Variants in NUP188 observed in about 807,000 individuals in gnomAD.
NUP188 encodes nucleoporin NUP188.
Under a neutral mutation model 223.0 loss-of-function variants are expected in NUP188, and 97 were observed. The ratio of observed to expected loss-of-function variants is 0.43; its 90% confidence interval spans 0.37 to 0.51. NUP188 has a LOEUF of 0.51. Ranked by LOEUF, NUP188 falls within the 20% of genes least tolerant of loss-of-function variation. NUP188 has a pLI of 0.00. For missense variants in NUP188, 1,947 were observed against 2,175.6 expected, an observed-to-expected ratio of 0.89 and a Z score of 2.09; for synonymous variants, 869 against 828.0, an observed-to-expected ratio of 1.05 and a Z score of -0.85.
chr9:128,989,793 C>T (rs1388158443), intron 24 of NUP188, among the ~76,000 whole-genome samples: 1 of 152,134 alleles, frequency 6.6e-6, no homozygotes, highest in Non-Finnish European at 1.5e-5. Flanking sequence ...GATCGTGCCA[C>T]TGCACTTCAG....
chr9:128,966,171 G>A (rs1467002803), intron 8 of NUP188, among the ~76,000 whole-genome samples: 3 of 131,314 alleles, frequency 2.3e-5, no homozygotes, highest in Non-Finnish European at 3.3e-5. Flanking sequence ...GTGTGTGTGC[G>A]TGTGCCCAGC....
intron 15 of NUP188, among the ~76,000 whole-genome samples, chr9:128,982,139 C>T (rs1842263279): frequency 6.6e-6 from 1 of 151,238 alleles, no homozygotes; most frequent in African/African-American, 2.4e-5. Context: ...GTTGAAAAAG[C>T]TTTAGGAATG....
intron 8 of NUP188, 95 bp from the exon 9 acceptor site, chr9:128,968,411 G>A (rs1842061031): frequency 5.5e-6 from 5 of 902,732 alleles, no homozygotes; most frequent in Non-Finnish European, 8.6e-6. Context: ...TATCCTGGGT[G>A]ACAGATTGAG....
In NUP188 at chr9:128,953,834, TC is replaced by T. The variant is rs1841829465; in HGVS notation, c.161+989del. Among the ~76,000 whole-genome samples, 10 of 152,004 alleles carry T rather than the reference TC, an allele frequency of 6.6e-5. No individual in the cohort carries two copies. The South Asian group carries it at 2.1e-3, about 32-fold the overall frequency. ...CTGGTGGTCTCATTCCAGTGTCTGT[TC>T]TTTTTTTTTTTTTGAGATGGGGTTT... On this transcript the variant is annotated intron_variant, in intron 3 of 43. Transcript: ENST00000372577.
intron 2 of NUP188, among the ~76,000 whole-genome samples, chr9:128,951,338 T>A (rs1042720355): frequency 6.9e-6 from 1 of 145,632 alleles, no homozygotes; most frequent in Non-Finnish European, 1.5e-5. Context: ...TCAGGCTTGG[T>A]GGCATATGCT....
intron 43 of NUP188, 58 bp from the exon 44 acceptor site, chr9:129,006,444 A>G (rs1322806676): frequency 1.2e-6 from 2 of 1,612,496 alleles, no homozygotes; most frequent in African/African-American, 1.3e-5. Context: ...GCAACCCCCA[A>G]GGGTCAGAAC....
intron 34 of NUP188, among the ~76,000 whole-genome samples, chr9:129,001,030 C>T (rs1370430823): frequency 6.6e-6 from 1 of 151,948 alleles, no homozygotes; most frequent in Admixed American, 6.6e-5. Flanking sequence ...GAGCGAGGCT[C>T]CATCTCAAAA....
chr9:129,006,843 T>C lies in NUP188; in HGVS notation c.*165T>C. 1 of 649,540 alleles carries C rather than the reference T, an allele frequency of 1.5e-6. No homozygotes were observed. The highest frequency in any genetic ancestry group is 2.5e-6 in the Non-Finnish European group (1 of 402,432). 40.2% of individuals were successfully genotyped at this position (649,540 alleles called of 1,614,324 possible). On this transcript the variant is annotated 3_prime_UTR_variant, in exon 44 of 44. Coordinates refer to ENST00000372577, the MANE Select transcript of NUP188 (RefSeq NM_015354.3). ...CCACCACCCACTGACGTTATTTTTA[T>C]ACTAGATGAAGAGGTCAACAGCAGG...
intron 34 of NUP188, 68 bp downstream of exon 34, chr9:128,999,873 G>A (rs1337368201): frequency 2.1e-6 from 3 of 1,434,664 alleles, no homozygotes; most frequent in Non-Finnish European, 2.9e-6. Flanking sequence ...TGACTCTGGG[G>A]ATAAGTAGTG....
At chr9:129,002,151 A>G (rs1426890979) in intron 36 of NUP188, among the ~76,000 whole-genome samples, 175 bp downstream of exon 36, 1 of 152,234 alleles carries the variant, frequency 6.6e-6, no homozygotes, top group East Asian at 1.9e-4. Context: ...ACTCACCACT[A>G]AAAGGCACCG....
At chr9:128,968,846 T>C in intron 9 of NUP188, 129 bp downstream of exon 9, 1 of 670,450 alleles carries the variant, frequency 1.5e-6, no homozygotes, top group Non-Finnish European at 2.6e-6. Flanking sequence ...TACTGCCACG[T>C]TCCCTTTCAT....
In NUP188 at chr9:128,987,732, C is replaced by T; in HGVS notation, c.2393+15C>T. The T allele has an allele frequency of 6.2e-7, 1 of 1,609,626 alleles. No homozygotes were observed. On this transcript the variant is annotated intron_variant, in intron 23 of 43. Coordinates refer to ENST00000372577, the MANE Select transcript of NUP188 (RefSeq NM_015354.3). ...CAGCCTCGAAGGTAGGGCTCCTTCT[C>T]CACGTTCCCTTTGTCTGTCTTTATT...
At chr9:128,958,916 G>A (rs2131143296) in intron 7 of NUP188, 22 bp downstream of exon 7, 2 of 1,507,104 alleles carry the variant, frequency 1.3e-6, no homozygotes, top group Non-Finnish European at 1.8e-6. Flanking sequence ...TAGTCCTCTT[G>A]CTTCTCTTTA....
At chr9:129,003,010 T>G (rs1588295037) in intron 37 of NUP188, 35 bp downstream of exon 37, 1 of 1,608,660 alleles carries the variant, frequency 6.2e-7, no homozygotes, top group Non-Finnish European at 8.5e-7. Flanking sequence ...GGTGGGAGTT[T>G]CAGGGTAAAA....
intron 15 of NUP188, 25 bp downstream of exon 15, chr9:128,981,415 A>T: frequency 6.4e-7 from 1 of 1,573,864 alleles, no homozygotes; most frequent in Non-Finnish European, 8.6e-7. Flanking sequence ...TCCCCCTTTT[A>T]TGACAGCTTT....
chr9:128,988,333 T>C, intron 24 of NUP188, 147 bp downstream of exon 24: 1 of 878,356 alleles, frequency 1.1e-6, no homozygotes, highest in Non-Finnish European at 1.8e-6. Flanking sequence ...CCAGCTCCTT[T>C]CCTGAAATTG....
At position 128,982,938 on chromosome 9, in the gene NUP188, T is replaced by C. The variant is rs374244891; in HGVS notation, c.1706T>C (p.Ile569Thr). The C allele has an allele frequency of 1.8e-5, 29 of 1,614,104 alleles. No individual in the cohort carries two copies. Among genetic ancestry groups the C allele is most frequent in the Non-Finnish European group, 2.4e-5 (28 of 1,180,046 alleles). ...CACTGCCAGCGAGTCAAACCCATCA[T>C]TGATCTCGTCCATAAGGTCATCAGT... ...IQHCQRVKPIIDLVHKVISTD... is the reference protein window; with the variant it reads ...IQHCQRVKPITDLVHKVISTD... Residue 569 changes from isoleucine (I) to threonine (T), a missense_variant, in exon 17 of 44, where the codon ATT (isoleucine) becomes ACT (threonine). Coordinates refer to ENST00000372577, the MANE Select transcript of NUP188 (RefSeq NM_015354.3).
chr9:128,981,397 TA>T lies in NUP188; in HGVS notation c.1516+10del, dbSNP rs776600299. 2 of 1,588,766 alleles carry T rather than the reference TA, an allele frequency of 1.3e-6. No homozygotes were observed. Among genetic ancestry groups the T allele is most frequent in the South Asian group, 2.3e-5 (2 of 85,542 alleles). ...AAACTCCTTTATCCCCTTGGTGAGATAAAGAGATCCCCCTTTTATGACAGCT... is the reference window on the plus strand; with the variant it reads ...AAACTCCTTTATCCCCTTGGTGAGATAAGAGATCCCCCTTTTATGACAGCT... On this transcript the variant is annotated splice_region_variant and intron_variant, in intron 15 of 43. Coordinates refer to ENST00000372577, the MANE Select transcript of NUP188 (RefSeq NM_015354.3).
intron 12 of NUP188, 74 bp downstream of exon 12, chr9:128,973,323 T>C: frequency 1.1e-6 from 1 of 924,226 alleles, no homozygotes. Context: ...ATACCCCCAT[T>C]GGATCTGATA....
Sources: allele counts gnomAD v4.1 joint callset (sites outside exome capture counted in the v4.1 genomes callset), GRCh38; gene constraint gnomAD v4.1.1; transcripts MANE v1.5; gene names NCBI Gene and HGNC (gene_info 2026-07-23, HGNC 2026-07-21).